The following ZFHX3 variants were observed in gnomAD, a reference collection of about 807,000 sequenced individuals.
ZFHX3 encodes the protein zinc finger homeobox 3, also known as zinc finger homeobox protein 3.
Under a neutral mutation model 279.1 loss-of-function variants are expected in ZFHX3, and 42 were observed. The observed-to-expected ratio is 0.15, with a 90% CI of 0.12 to 0.19. ZFHX3 has a LOEUF of 0.19. ZFHX3 is among the 10% of genes least tolerant of loss of function. The pLI is 1.00. For synonymous variants in ZFHX3, 2,293 were observed against 1,957.8 expected (o/e 1.17, Z -4.52); for missense variants, 4,981 against 4,754.0 (o/e 1.05, Z -1.40).
At chr16:73,108,736 A>G (rs939857762) in intron 7 of ZFHX3, among the ~76,000 whole-genome samples, 6 of 152,206 alleles carry the variant, frequency 3.9e-5, no homozygotes, top group Non-Finnish European at 7.3e-5. Context: ...AACAGGGTTA[A>G]AGTTGAGGTT....
chr16:72,902,117 C>T (rs915655257), intron 3 of ZFHX3, among the ~76,000 whole-genome samples: 3 of 152,142 alleles, frequency 2.0e-5, no homozygotes, highest in Non-Finnish European at 4.4e-5. Flanking sequence ...GCTGTAATTG[C>T]AGGAAGGGGG....
At chr16:73,536,025 C>G (rs1054468893) in intron 2 of ZFHX3, among the ~76,000 whole-genome samples, 2 of 152,016 alleles carry the variant, frequency 1.3e-5, no homozygotes, top group African/African-American at 2.4e-5. Flanking sequence ...CTCGGCCAAG[C>G]CCCCCATCTT....
chr16:73,027,053 G>C (rs1964537602), intron 1 of ZFHX3, among the ~76,000 whole-genome samples: 1 of 152,218 alleles, frequency 6.6e-6, no homozygotes, highest in Non-Finnish European at 1.5e-5. Flanking sequence ...ACACAAACAA[G>C]CAAGTGCTGC....
At chr16:73,819,599 A>G (rs547149594) in intron 1 of ZFHX3, among the ~76,000 whole-genome samples, 1 of 152,106 alleles carries the variant, frequency 6.6e-6, no homozygotes, top group Admixed American at 6.6e-5. Flanking sequence ...CTTAACCACT[A>G]TGAAGGGAAG....
At chr16:73,128,326 C>G (rs527428742) in intron 7 of ZFHX3, among the ~76,000 whole-genome samples, 113 of 152,324 alleles carry the variant, frequency 7.4e-4, no homozygotes, top group Non-Finnish European at 1.2e-3. Context: ...TGAATGTTCA[C>G]AGGTGCAGGC....
chr16:73,058,334 C>G (rs1293323066), intron 1 of ZFHX3, among the ~76,000 whole-genome samples: 1 of 146,212 alleles, frequency 6.8e-6, no homozygotes, highest in Non-Finnish European at 1.5e-5. Context: ...ACGCAGCGAG[C>G]GAGCAGGGCG....
At chr16:73,836,104 G>C (rs1961138999) in intron 1 of ZFHX3, among the ~76,000 whole-genome samples, 2 of 152,180 alleles carry the variant, frequency 1.3e-5, no homozygotes, top group Non-Finnish European at 2.9e-5. Flanking sequence ...AGAACAAGAG[G>C]GGAGAGATTT....
intron 3 of ZFHX3, among the ~76,000 whole-genome samples, chr16:73,429,935 T>A (rs866076277): frequency 2.6e-5 from 4 of 152,304 alleles, no homozygotes; most frequent in African/African-American, 9.6e-5. Context: ...TCGCCCAGGC[T>A]GGAGCGCAGT....
chr16:72,870,011 A>C (rs2038115203), intron 4 of ZFHX3, among the ~76,000 whole-genome samples: 1 of 152,224 alleles, frequency 6.6e-6, no homozygotes, highest in African/African-American at 2.4e-5. Flanking sequence ...AGGAAGCATC[A>C]CATGAACCCA....
chr16:73,509,321 C>A (rs825835), intron 2 of ZFHX3, among the ~76,000 whole-genome samples: 30,938 of 151,912 alleles, frequency 0.2, 3,660 homozygotes, highest in East Asian at 0.56. Context: ...ATCTCTTCTT[C>A]ACTATGTTTC....
At chr16:73,604,143 T>TTA (rs2052153652) in intron 2 of ZFHX3, among the ~76,000 whole-genome samples, 1 of 152,008 alleles carries the variant, frequency 6.6e-6, no homozygotes, top group Non-Finnish European at 1.5e-5. Context: ...TCAACACTGT[T>TTA]TATATATATA....
intron 3 of ZFHX3, among the ~76,000 whole-genome samples, chr16:72,899,097 T>C (rs778038261): frequency 1.4e-4 from 21 of 152,200 alleles, no homozygotes; most frequent in Non-Finnish European, 2.4e-4. Context: ...CTTTCTTCAT[T>C]TGTAAGATGT....
At chr16:73,878,940 G>GAGATATATATATAT in intron 1 of ZFHX3, among the ~76,000 whole-genome samples, 1 of 141,030 alleles carries the variant, frequency 7.1e-6, no homozygotes, top group African/African-American at 2.6e-5. Flanking sequence ...AAAAAGATAA[G>GAGATATATATATAT]ATATATATAT....
intron 1 of ZFHX3, among the ~76,000 whole-genome samples, chr16:73,728,192 C>CGAGA (rs1466424946): frequency 4.6e-5 from 7 of 151,354 alleles, no homozygotes; most frequent in Admixed American, 4.6e-4. Flanking sequence ...TTGGATTTCT[C>CGAGA]GAGAGAGAGA....
intron 3 of ZFHX3, among the ~76,000 whole-genome samples, chr16:73,328,831 T>C (rs1353394918): frequency 5.9e-5 from 9 of 152,198 alleles, no homozygotes; most frequent in African/African-American, 1.9e-4. Context: ...AGGGATAGGT[T>C]GAAAGCAAAT....
At chr16:73,178,529 T>A (rs1305708326) in intron 5 of ZFHX3, among the ~76,000 whole-genome samples, 1 of 152,226 alleles carries the variant, frequency 6.6e-6, no homozygotes, top group African/African-American at 2.4e-5. Context: ...GCCAATTTCT[T>A]CAACTCATTT....
intron 1 of ZFHX3, among the ~76,000 whole-genome samples, chr16:72,974,300 C>T (rs762364394): frequency 3.8e-4 from 58 of 152,200 alleles, no homozygotes; most frequent in Admixed American, 9.8e-4. Context: ...GACAGAGGTA[C>T]GTCCTCGCAA....
At chr16:73,770,005 G>A (rs555309954) in intron 1 of ZFHX3, among the ~76,000 whole-genome samples, 20 of 152,264 alleles carry the variant, frequency 1.3e-4, no homozygotes, top group South Asian at 2.1e-4. Flanking sequence ...ATCCATGGTC[G>A]GCAGAATAAT....
At chr16:73,698,530 C>T (rs1471477917) in intron 1 of ZFHX3, among the ~76,000 whole-genome samples, 3 of 152,136 alleles carry the variant, frequency 2.0e-5, no homozygotes, top group Non-Finnish European at 2.9e-5. Context: ...AAGATAACGT[C>T]GTCAGTAATA....
Sources: allele counts gnomAD v4.1 joint callset (sites outside exome capture counted in the v4.1 genomes callset), GRCh38; gene constraint gnomAD v4.1.1; transcripts MANE v1.5; gene names NCBI Gene and HGNC (gene_info 2026-07-23, HGNC 2026-07-21).